The following PSMC5 variants were observed in gnomAD, a reference collection of about 807,000 sequenced individuals.
The protein encoded by PSMC5 is 26S proteasome regulatory subunit 8.
Under a neutral mutation model 49.1 loss-of-function variants are expected in PSMC5, and 11 were observed. The observed-to-expected ratio is 0.22, with a 90% CI of 0.14 to 0.37. The LOEUF (loss-of-function observed/expected upper bound fraction) is 0.37, where lower values mean the gene tolerates loss of function less well. Ranked by LOEUF, PSMC5 falls within the 10% of genes least tolerant of loss-of-function variation. The pLI, the probability that PSMC5 is intolerant of heterozygous loss-of-function variation, is 1.00. For synonymous variants in PSMC5, 206 were observed against 192.2 expected, an observed-to-expected ratio of 1.07 and a Z score of -0.59; for missense variants, 229 against 520.9, an observed-to-expected ratio of 0.44 and a Z score of 5.45.
At position 63,831,978 on chromosome 17, in the gene PSMC5, C is replaced by G. The variant is rs760712633; in HGVS notation, c.*9C>G. 1.2e-6 allele frequency: 2 copies of G among 1,612,048 alleles called. No homozygotes were observed. The highest frequency in any genetic ancestry group is 1.3e-5 in the African/African-American group (1 of 74,858). Reference sequence around the variant, plus strand: ...AGAAATTATGGAAGTGAGTGGACAGCCTTTGTGTGTATCTCTCCAATAAAG... The same window carrying G: ...AGAAATTATGGAAGTGAGTGGACAGGCTTTGTGTGTATCTCTCCAATAAAG... On this transcript the variant is annotated 3_prime_UTR_variant, in exon 12 of 12. Transcript: ENST00000310144. The surrounding 1 kb of genome is among the most constrained non-coding windows in gnomAD (Gnocchi z 6.3).
chr17:63,827,495 C>G lies in PSMC5; in HGVS notation c.5C>G (p.Ala2Gly), dbSNP rs967715869. The G allele has an allele frequency of 1.3e-6, 2 of 1,551,644 alleles. No individual in the cohort carries two copies. The highest frequency in any genetic ancestry group is 1.4e-5 in the African/African-American group (1 of 73,078). The change falls in exon 1 of 12, where the codon GCG becomes GGG. Residue 2 changes from alanine to glycine, a missense_variant. Physicochemically the swap from Ala to Gly is moderately conservative, Grantham distance 60. Transcript: ENST00000310144. ...GGTCTCTGCTGAAGAGAGAAGATGG[C>G]GCTTGACGGACCAGAGCAGGTATGG... Reference protein sequence around the residue: MALDGPEQMELE... With the variant: MGLDGPEQMELE...
intron 2 of PSMC5, chr17:63,829,126 T>C (rs933000586): frequency 1.8e-5 from 4 of 221,596 alleles, no homozygotes; most frequent in Non-Finnish European, 3.6e-5. Flanking sequence ...ACCTTTACTT[T>C]GCTTTTGATT....
At chr17:63,829,795 G>A in intron 3 of PSMC5, 57 bp from the exon 4 acceptor site, 1 of 1,548,708 alleles carries the variant, frequency 6.5e-7, no homozygotes, top group South Asian at 1.1e-5. Flanking sequence ...CGTAGAATTG[G>A]GTCCTGGAGA....
Position 63,830,442 on chromosome 17 carries a change from A to G in PSMC5, c.493A>G (p.Ile165Val). Residue 165 changes from isoleucine (I) to valine (V), a missense_variant, in exon 6 of 12, where the codon ATC becomes GTC. Physicochemically the swap from Ile to Val is conservative, Grantham distance 29. Coordinates refer to ENST00000310144, the MANE Select transcript of PSMC5 (RefSeq NM_002805.6). This position sits in a 1 kb window ranked among gnomAD's most constrained non-coding sequence, Gnocchi z 4.0. ...ACAGATCAAGGAGATCAAAGAAGTG[A>G]TCGAGCTGCCTGTTAAGCATCCTGA... ...DKQIKEIKEV[I>V]ELPVKHPELF... 6.2e-7 allele frequency: 1 copy of G among 1,614,214 alleles called. No homozygotes were observed. Among genetic ancestry groups the G allele is most frequent in the Non-Finnish European group, 8.5e-7 (1 of 1,180,048 alleles).
Position 63,830,746 on chromosome 17 carries a change from A to C in PSMC5, c.553-63A>C. The C allele has an allele frequency of 2.5e-6, 4 of 1,596,068 alleles. No individual in the cohort carries two copies. In the South Asian group the frequency reaches 4.5e-5, roughly 18 times the overall value. ...CTAGCAAGGGACCCAGCACTCGGTA[A>C]ATGTTCACTGAATGAAATGAGGGGT... is the stretch of plus-strand genomic sequence containing the variant. On this transcript the variant is annotated intron_variant, in intron 6 of 11. Transcript: ENST00000310144. This position sits in a 1 kb window ranked among gnomAD's most constrained non-coding sequence, Gnocchi z 4.0.
rs776525532 is a variant in PSMC5 at position 63,830,762 on chromosome 17, A to C, written c.553-47A>C. ...CACTCGGTAAATGTTCACTGAATGA[A>C]ATGAGGGGTGTAGCTTTCTGCCCTG... On this transcript the variant is annotated intron_variant, in intron 6 of 11. Coordinates refer to ENST00000310144, the MANE Select transcript of PSMC5 (RefSeq NM_002805.6). This position sits in a 1 kb window ranked among gnomAD's most constrained non-coding sequence, Gnocchi z 4.0. 1 of 1,607,990 alleles carries C rather than the reference A, an allele frequency of 6.2e-7. No homozygotes were observed. The highest frequency in any genetic ancestry group is 8.5e-7 in the Non-Finnish European group (1 of 1,176,894).
Position 63,831,647 on chromosome 17 carries a change from G to C in PSMC5, c.1080+31G>C, listed in dbSNP as rs1326124281. On this transcript the variant is annotated intron_variant, in intron 10 of 11. Transcript: ENST00000310144. This position sits in a 1 kb window ranked among gnomAD's most constrained non-coding sequence, Gnocchi z 6.3. Reference sequence around the variant, plus strand: ...TGGAGTACCCACTGAAAACAGGGCAGAGGCAGGAAGCTCTGGGCTCAAGGG... The same window carrying C: ...TGGAGTACCCACTGAAAACAGGGCACAGGCAGGAAGCTCTGGGCTCAAGGG... 7.4e-6 allele frequency: 12 copies of C among 1,613,116 alleles called. No individual in the cohort carries two copies. The highest frequency in any genetic ancestry group is 1.3e-5 in the African/African-American group (1 of 74,902).
chr17:63,828,077 C>A, intron 1 of PSMC5, 61 bp from the exon 2 acceptor site: 2 of 1,586,620 alleles, frequency 1.3e-6, no homozygotes, highest in East Asian at 2.2e-5. Context: ...AAGTGCCCTG[C>A]AAGTGGCTTT....
chr17:63,831,216 A>G lies in PSMC5; in HGVS notation c.860A>G (p.Lys287Arg). The G allele has an allele frequency of 1.3e-6, 2 of 1,574,722 alleles. No individual in the cohort carries two copies. The highest frequency in any genetic ancestry group is 1.2e-5 in the South Asian group (1 of 86,090). ...LNQLDGFEAT[K>R]NIKVIMATNR... ...CAGCTCGACGGCTTTGAGGCCACCA[A>G]GAACATCAAGGTAAGGTGGTAGCAT... Residue 287 changes from lysine (K) to arginine (R), a missense_variant, in exon 8 of 12, where the codon AAG becomes AGG. Physicochemically the swap from Lys to Arg is conservative, Grantham distance 26 (BLOSUM62 2). This residue lies in a region of PSMC5 where 121 missense variants were observed against 330.6 expected (regional missense o/e 0.37). Coordinates refer to ENST00000310144, the MANE Select transcript of PSMC5 (RefSeq NM_002805.6). This position sits in a 1 kb window ranked among gnomAD's most constrained non-coding sequence, Gnocchi z 6.3.
chr17:63,827,609 G>A, intron 1 of PSMC5, 95 bp downstream of exon 1: 13 of 1,549,330 alleles, frequency 8.4e-6, no homozygotes, highest in Non-Finnish European at 1.0e-5. Flanking sequence ...GGAGCGTCGG[G>A]TGGGTCGGAG....
At chr17:63,828,083 G>T in intron 1 of PSMC5, 55 bp from the exon 2 acceptor site, 1 of 1,600,932 alleles carries the variant, frequency 6.2e-7, no homozygotes, top group Non-Finnish European at 8.6e-7. Flanking sequence ...CCTGCAAGTG[G>T]CTTTACCCCC....
rs767313767 is a variant in PSMC5 at position 63,830,217 on chromosome 17, G to A, written c.321+28G>A. ...GAGTGTAGCAGGTGAGGTGGTGGTGGTGGTGGGGTCAGCTCTTACTGTACC... is the reference window on the plus strand; with the variant it reads ...GAGTGTAGCAGGTGAGGTGGTGGTGATGGTGGGGTCAGCTCTTACTGTACC... On this transcript the variant is annotated intron_variant, in intron 5 of 11. Coordinates refer to ENST00000310144, the MANE Select transcript of PSMC5 (RefSeq NM_002805.6). This position sits in a 1 kb window ranked among gnomAD's most constrained non-coding sequence, Gnocchi z 4.0. 5.0e-6 allele frequency: 8 copies of A among 1,613,798 alleles called. No homozygotes were observed. In the Admixed American group the frequency reaches 8.3e-5, roughly 17 times the overall value.
In PSMC5 at chr17:63,829,606, T is replaced by A. The variant is rs2040157224; in HGVS notation, c.166+43T>A. Reference sequence around the variant, plus strand: ...GGAAGCCGCATGTGGGCAGTTTGTCTGAGGTCTGTCCTTATCTCCCTGCAC... The same window carrying A: ...GGAAGCCGCATGTGGGCAGTTTGTCAGAGGTCTGTCCTTATCTCCCTGCAC... On this transcript the variant is annotated intron_variant, in intron 3 of 11. Coordinates refer to ENST00000310144, the MANE Select transcript of PSMC5 (RefSeq NM_002805.6). 4 of 1,537,970 alleles carry A rather than the reference T, an allele frequency of 2.6e-6. No homozygotes were observed. In the South Asian group the frequency reaches 4.8e-5, roughly 18 times the overall value.
rs762238930 is a variant in PSMC5 at position 63,831,109 on chromosome 17, C to T, written c.753C>T (p.Ile251=). The change falls in exon 8 of 12, where the codon ATC becomes ATT. Residue 251 remains isoleucine, a synonymous_variant. Transcript: ENST00000310144. The surrounding 1 kb of genome is among the most constrained non-coding windows in gnomAD (Gnocchi z 6.3). ...HAPSIIFMDE[I]DSIGSSRLEG... ...CATCTATCATCTTCATGGACGAAAT[C>T]GACTCCATCGGCTCCTCGCGGCTGG... The T allele has an allele frequency of 2.1e-5, 33 of 1,568,766 alleles. No homozygotes were observed. The highest frequency in any genetic ancestry group is 6.7e-5 in the East Asian group (3 of 44,534).
chr17:63,831,813 A>T lies in PSMC5; in HGVS notation c.1167+3A>T. ...ACTTTGAGATGGCAGTAGCCAAGGT[A>T]TAGGCCTCCATCTTTGTGCCTTTGC... On this transcript the variant is annotated splice_donor_region_variant and intron_variant, in intron 11 of 11. Coordinates refer to ENST00000310144, the MANE Select transcript of PSMC5 (RefSeq NM_002805.6). The surrounding 1 kb of genome is among the most constrained non-coding windows in gnomAD (Gnocchi z 6.3). 1 of 1,614,104 alleles carries T rather than the reference A, an allele frequency of 6.2e-7. No individual in the cohort carries two copies. The highest frequency in any genetic ancestry group is 1.1e-5 in the South Asian group (1 of 91,086).
rs1366048350 is a variant in PSMC5 at position 63,830,759 on chromosome 17, T to C, written c.553-50T>C. ...CAGCACTCGGTAAATGTTCACTGAA[T>C]GAAATGAGGGGTGTAGCTTTCTGCC... On this transcript the variant is annotated intron_variant, in intron 6 of 11. Transcript: ENST00000310144. This position sits in a 1 kb window ranked among gnomAD's most constrained non-coding sequence, Gnocchi z 4.0. 1 of 1,603,746 alleles carries C rather than the reference T, an allele frequency of 6.2e-7. No homozygotes were observed. Among genetic ancestry groups the C allele is most frequent in the Non-Finnish European group, 8.5e-7 (1 of 1,174,786 alleles).
chr17:63,827,705 G>A (rs951770409), intron 1 of PSMC5, 191 bp downstream of exon 1: 1 of 1,444,716 alleles, frequency 6.9e-7, no homozygotes, highest in Non-Finnish European at 9.1e-7. Flanking sequence ...GCAAGGCTGG[G>A]AGAGGAAGAC....
chr17:63,831,904 T>C lies in PSMC5; in HGVS notation c.1168-12T>C, dbSNP rs1567758869. 1.9e-6 allele frequency: 3 copies of C among 1,613,840 alleles called. No individual in the cohort carries two copies. The highest frequency in any genetic ancestry group is 2.2e-5 in the East Asian group (1 of 44,872). On this transcript the variant is annotated splice_polypyrimidine_tract_variant and intron_variant, in intron 11 of 11. Coordinates refer to ENST00000310144, the MANE Select transcript of PSMC5 (RefSeq NM_002805.6). This position sits in a 1 kb window ranked among gnomAD's most constrained non-coding sequence, Gnocchi z 6.3. ...TTCGTAACTTAATGTTCATTCTCTCTCCCACCCCTAGGTCATGCAGAAGGA... is the reference window on the plus strand; with the variant it reads ...TTCGTAACTTAATGTTCATTCTCTCCCCCACCCCTAGGTCATGCAGAAGGA...
rs756814483 is a variant in PSMC5, at chr17:63,830,255, C to T, written c.322-16C>T. 1.7e-5 allele frequency: 28 copies of T among 1,613,924 alleles called. 1 individual carries two copies. In the South Asian group the frequency reaches 2.2e-4, roughly 13 times the overall value. On this transcript the variant is annotated splice_polypyrimidine_tract_variant and intron_variant, in intron 5 of 11. Coordinates refer to ENST00000310144, the MANE Select transcript of PSMC5 (RefSeq NM_002805.6). The surrounding 1 kb of genome is among the most constrained non-coding windows in gnomAD (Gnocchi z 4.0). ...CTCTTACTGTACCACTTCTGAAACT[C>T]GCCCCCTTCACCCAGGTGACACCCA...
Sources: gnomAD v4.1 joint callset for allele counts on GRCh38, gnomAD v4.1.1 for gene constraint, gnomAD v4.1.1 regional missense constraint, Gnocchi (gnomAD v3.1) non-coding constraint, MANE v1.5 for transcripts, NCBI Gene and HGNC (gene_info 2026-07-23, HGNC 2026-07-21) for gene names.